The following LMF1 variants were observed in gnomAD, a reference collection of about 807,000 sequenced individuals.
LMF1 encodes the protein lipase maturation factor 1, also known as transmembrane protein 112.
A neutral mutation model predicts 60.6 loss-of-function variants in LMF1; 68 were observed. The observed-to-expected ratio is 1.12, with a 90% confidence interval of 0.92 to 1.37. LMF1 has a LOEUF of 1.37. Among genes scored for constraint, LMF1 ranks in the 40% most tolerant of loss-of-function variants. LMF1 has a pLI of 0.00. For synonymous variants in LMF1, 418 were observed against 324.7 expected (o/e 1.29, Z -3.09); for missense variants, 948 against 767.2 (o/e 1.24, Z -2.78).
rs1465839063 is a variant in LMF1, at chr16:929,957, C to T, written c.514+4287G>A. Reference sequence around the variant, plus strand: ...ACACAGAGCCCAGGACAGCAGCAGTCGCCTCTGTCTGAACGGGGGCGCAGG... The same window carrying T: ...ACACAGAGCCCAGGACAGCAGCAGTTGCCTCTGTCTGAACGGGGGCGCAGG... On this transcript the variant is annotated intron_variant, in intron 3 of 10. Coordinates refer to ENST00000262301, the MANE Select transcript of LMF1 (RefSeq NM_022773.4). Among the ~76,000 whole-genome samples the T allele has an allele frequency of 2.0e-5, 3 of 151,124 alleles. 1 individual carries two copies. Among genetic ancestry groups the T allele is most frequent in the Admixed American group, 6.6e-5 (1 of 15,210 alleles).
At chr16:978,020 AT>A in intron 1 of LMF1, among the ~76,000 whole-genome samples, 4 of 114,692 alleles carry the variant, frequency 3.5e-5, no homozygotes, top group Non-Finnish European at 6.7e-5. Context: ...CACACACATC[AT>A]ACACACGCAC....
chr16:951,393 C>T (rs1350132328), intron 2 of LMF1, among the ~76,000 whole-genome samples: 7 of 152,220 alleles, frequency 4.6e-5, no homozygotes, highest in Non-Finnish European at 7.3e-5. Context: ...TCTGGAAAAG[C>T]TGAAGCGACT....
chr16:928,916 A>G (rs2071690233), intron 3 of LMF1, among the ~76,000 whole-genome samples: 1 of 152,218 alleles, frequency 6.6e-6, no homozygotes, highest in African/African-American at 2.4e-5. Flanking sequence ...AGGCCTTGGG[A>G]ACCTGTTGGT....
At position 970,840 on chromosome 16, in the gene LMF1, G is replaced by A. The variant is rs1024871868; in HGVS notation, c.141C>T (p.Gly47=). ...GCACGATCCGGGTCAGCCAGAAGGT[G>A]CCCGTGTGGAGATGGGCCGGAGAGC... ...PAGSPAHLHT[G]TFWLTRIVLL... The change falls in exon 1 of 11, where the codon GGC becomes GGT. Residue 47 remains glycine, a synonymous_variant. Transcript: ENST00000262301. The A allele has an allele frequency of 1.3e-6, 2 of 1,552,844 alleles. No individual in the cohort carries two copies.
In LMF1 at chr16:862,669, G is replaced by C. The variant is rs190168452; in HGVS notation, c.1529+6275C>G. On this transcript the variant is annotated intron_variant, in intron 10 of 10. Coordinates refer to ENST00000262301, the MANE Select transcript of LMF1 (RefSeq NM_022773.4). Reference sequence around the variant, plus strand: ...GCCCAGGAGTTTGGGACCAGCCAGGGCACCATGGCAAGATCCTGTCTCTAC... The same window carrying C: ...GCCCAGGAGTTTGGGACCAGCCAGGCCACCATGGCAAGATCCTGTCTCTAC... Among the ~76,000 whole-genome samples the C allele has an allele frequency of 9.6e-4, 146 of 152,156 alleles. 4 individuals are homozygous for C. Among genetic ancestry groups the C allele is most frequent in the African/African-American group, 3.4e-3 (141 of 41,508 alleles).
chr16:876,083 G>T (rs879303287), intron 6 of LMF1, among the ~76,000 whole-genome samples: 1 of 152,226 alleles, frequency 6.6e-6, no homozygotes, highest in Non-Finnish European at 1.5e-5. Flanking sequence ...CTCCTTGTGC[G>T]CCCTGTGGGA....
At chr16:865,480 G>A (rs1055930911) in intron 10 of LMF1, among the ~76,000 whole-genome samples, 1 of 152,138 alleles carries the variant, frequency 6.6e-6, no homozygotes. Context: ...TTCCTGAGTA[G>A]CTGGGATTAC....
At chr16:978,070 CACACATACACCACACCAAACACACACGG>C (rs2073215578) in intron 1 of LMF1, among the ~76,000 whole-genome samples, 2 of 139,946 alleles carry the variant, frequency 1.4e-5, no homozygotes, top group African/African-American at 2.8e-5. Flanking sequence ...CCACACCCTG[CACACATACACCACACCAAACACACACGG>C]ACACACACAC....
At chr16:856,912 C>T (rs1410997357) in intron 10 of LMF1, among the ~76,000 whole-genome samples, 1 of 152,270 alleles carries the variant, frequency 6.6e-6, no homozygotes, top group Non-Finnish European at 1.5e-5. Context: ...ACACTGAGGC[C>T]ACAGACACGG....
chr16:935,105 A>ATTT (rs568089078), intron 2 of LMF1, among the ~76,000 whole-genome samples: 1 of 145,804 alleles, frequency 6.9e-6, no homozygotes, highest in Non-Finnish European at 1.5e-5. Context: ...GTTGATCAGA[A>ATTT]TTTTTTTTTT....
chr16:904,644 G>A (rs1303484675), intron 4 of LMF1, among the ~76,000 whole-genome samples: 2 of 45,850 alleles, frequency 4.4e-5, no homozygotes, highest in African/African-American at 1.9e-4. Flanking sequence ...GGGGACGCCC[G>A]TCTCTGCTGT....
At chr16:965,244 T>C (rs2072900767) in intron 1 of LMF1, among the ~76,000 whole-genome samples, 1 of 152,176 alleles carries the variant, frequency 6.6e-6, no homozygotes, top group Non-Finnish European at 1.5e-5. Context: ...ATGGAGAGAC[T>C]TTCCCAGGTT....
intron 4 of LMF1, among the ~76,000 whole-genome samples, chr16:909,286 G>A (rs924628724): frequency 5.3e-5 from 8 of 152,106 alleles, no homozygotes; most frequent in African/African-American, 1.7e-4. Flanking sequence ...GGAGCCACAG[G>A]GGGACAGAGC....
In LMF1 at chr16:954,555, G is replaced by A. The variant is rs370024606; in HGVS notation, c.305C>T (p.Thr102Met). The change falls in exon 2 of 11, where the codon ACG (threonine) becomes ATG (methionine). Residue 102 changes from threonine to methionine, a missense_variant. Thr to Met is a moderately conservative substitution (Grantham distance 81). Transcript: ENST00000262301. Reference protein sequence around the residue: ...KNFQQYFQDRTSWEVFSYMPT... With the variant: ...KNFQQYFQDRMSWEVFSYMPT... ...CATGTAGCTGAAGACTTCCCAGCTC[G>A]TCCTGTCCTGGAAGTACTGCTGGAA... 24 of 1,613,176 alleles carry A rather than the reference G, an allele frequency of 1.5e-5. No individual in the cohort carries two copies. The highest frequency in any genetic ancestry group is 1.1e-4 in the East Asian group (5 of 44,904).
Position 897,980 on chromosome 16 carries a change from G to A in LMF1, c.664-4908C>T, listed in dbSNP as rs543140309. ...TGTGTACATGGCAGGCATCCTCTGCGTGGTGGGCGCCTTCTGCGTGGCGGG... is the reference window on the plus strand; with the variant it reads ...TGTGTACATGGCAGGCATCCTCTGCATGGTGGGCGCCTTCTGCGTGGCGGG... On this transcript the variant is annotated intron_variant, in intron 4 of 10. Coordinates refer to ENST00000262301, the MANE Select transcript of LMF1 (RefSeq NM_022773.4). This position sits in a 1 kb window ranked among gnomAD's most constrained non-coding sequence, Gnocchi z 4.3. Among the ~76,000 whole-genome samples the A allele has an allele frequency of 5.3e-5, 8 of 152,364 alleles. No individual in the cohort carries two copies. Among genetic ancestry groups the A allele is most frequent in the Non-Finnish European group, 8.8e-5 (6 of 68,034 alleles).
intron 2 of LMF1, chr16:947,277 C>T (rs1208300594): frequency 2.8e-6 from 1 of 354,966 alleles, no homozygotes; most frequent in East Asian, 7.4e-5. Flanking sequence ...CAAATCCCTT[C>T]CCATGCATTA....
upstream of LMF1, among the ~76,000 whole-genome samples, chr16:973,582 T>C (rs1596181227): frequency 6.6e-6 from 1 of 152,144 alleles, no homozygotes; most frequent in Non-Finnish European, 1.5e-5. Flanking sequence ...ACGTTTTCTT[T>C]TGGGCTGATG....
chr16:970,059 C>T (rs1217780440), intron 1 of LMF1, among the ~76,000 whole-genome samples: 1 of 152,236 alleles, frequency 6.6e-6, no homozygotes, highest in Non-Finnish European at 1.5e-5. Flanking sequence ...CCAACCACAT[C>T]CCACAGTGAG....
At position 878,785 on chromosome 16, in the gene LMF1, C is replaced by A. The variant is rs2151712692; in HGVS notation, c.897+785G>T. On this transcript the variant is annotated intron_variant, in intron 6 of 10. Coordinates refer to ENST00000262301, the MANE Select transcript of LMF1 (RefSeq NM_022773.4). This position sits in a 1 kb window ranked among gnomAD's most constrained non-coding sequence, Gnocchi z 5.2. Reference sequence around the variant, plus strand: ...GCAGGGCAGGGGAAGGGGCGTGGGACACCCAGGTACATCTGTTTTCCAGAG... The same window carrying A: ...GCAGGGCAGGGGAAGGGGCGTGGGAAACCCAGGTACATCTGTTTTCCAGAG... Among the ~76,000 whole-genome samples the A allele has an allele frequency of 6.6e-6, 1 of 151,006 alleles. No individual in the cohort carries two copies. The highest frequency in any genetic ancestry group is 2.0e-4 in the East Asian group (1 of 5,026).
Sources: allele counts gnomAD v4.1 joint callset (sites outside exome capture counted in the v4.1 genomes callset), GRCh38; gene constraint gnomAD v4.1.1; non-coding constraint Gnocchi (gnomAD v3.1); transcripts MANE v1.5; gene names NCBI Gene and HGNC (gene_info 2026-07-23, HGNC 2026-07-21).